The following ANLN variants were observed in gnomAD, a reference collection of about 807,000 sequenced individuals.
ANLN encodes anillin, actin binding protein, also known as anillin.
ANLN carries 59 observed loss-of-function variants against 135.1 expected under a neutral mutation model. The ratio of observed to expected loss-of-function variants is 0.44; its 90% CI spans 0.35 to 0.54. The LOEUF (loss-of-function observed/expected upper bound fraction) is 0.54. Ranked by LOEUF, ANLN falls within the 20% of genes least tolerant of loss-of-function variation. ANLN has a pLI of 0.00. For missense variants in ANLN, 1,182 were observed against 1,340.0 expected (o/e 0.88, Z 1.84); for synonymous variants, 406 against 456.4 (o/e 0.89, Z 1.41).
chr7:36,445,019 A>G (rs911161372), intron 22 of ANLN, among the ~76,000 whole-genome samples: 6 of 152,010 alleles, frequency 3.9e-5, no homozygotes, highest in Non-Finnish European at 8.8e-5. Flanking sequence ...GAAGCTCCCC[A>G]TGTAATTCTC....
intron 5 of ANLN, 57 bp downstream of exon 5, chr7:36,408,013 C>G: frequency 4.5e-6 from 6 of 1,339,020 alleles, no homozygotes; most frequent in Non-Finnish European, 5.2e-6. Context: ...TATCTATTCT[C>G]AGCATTTTAA....
At chr7:36,417,674 C>CTTTTTTTTT (rs70977138) in intron 9 of ANLN, among the ~76,000 whole-genome samples, 9 of 97,256 alleles carry the variant, frequency 9.3e-5, no homozygotes, top group Non-Finnish European at 1.8e-4. Context: ...CTCAAACTTC[C>CTTTTTTTTT]TTTTTTTTTT....
chr7:36,426,421 G>T (rs902192505), intron 19 of ANLN, among the ~76,000 whole-genome samples: 3 of 152,138 alleles, frequency 2.0e-5, no homozygotes, highest in Non-Finnish European at 4.4e-5. Context: ...TAGTTCACTG[G>T]GAACTGGAAT....
intron 2 of ANLN, 34 bp downstream of exon 2, chr7:36,396,453 T>A (rs767398571): frequency 3.3e-6 from 5 of 1,501,216 alleles, no homozygotes; most frequent in African/African-American, 1.4e-5. Flanking sequence ...TAACATTTAC[T>A]TTTTTTTTCT....
At chr7:36,429,595 C>T (rs1422302303) in intron 20 of ANLN, among the ~76,000 whole-genome samples, 2 of 152,068 alleles carry the variant, frequency 1.3e-5, no homozygotes, top group Non-Finnish European at 2.9e-5. Flanking sequence ...TAACAAAATG[C>T]TGGATGGTAT....
intron 20 of ANLN, among the ~76,000 whole-genome samples, chr7:36,430,309 G>T (rs1341673127): frequency 1.3e-5 from 2 of 152,170 alleles, no homozygotes; most frequent in African/African-American, 4.8e-5. Context: ...TTCCAGAGTG[G>T]AATTTCTGTT....
intron 20 of ANLN, among the ~76,000 whole-genome samples, chr7:36,435,622 C>T (rs1169106448): frequency 1.3e-5 from 2 of 151,748 alleles, no homozygotes; most frequent in African/African-American, 4.8e-5. Context: ...GCCTGTAATC[C>T]CAGCACTTTG....
intron 20 of ANLN, among the ~76,000 whole-genome samples, chr7:36,438,074 C>T (rs1562817957): frequency 1.3e-5 from 2 of 152,220 alleles, no homozygotes; most frequent in African/African-American, 4.8e-5. Flanking sequence ...CAGGCGTGAG[C>T]CACCGCGCCC....
chr7:36,442,556 T>G (rs1788816760), intron 21 of ANLN, among the ~76,000 whole-genome samples: 1 of 152,222 alleles, frequency 6.6e-6, no homozygotes, highest in Non-Finnish European at 1.5e-5. Context: ...AGCATTGTTA[T>G]GTTTTTACCT....
At chr7:36,426,516 C>A (rs1334147135) in intron 19 of ANLN, among the ~76,000 whole-genome samples, 1 of 152,040 alleles carries the variant, frequency 6.6e-6, no homozygotes, top group African/African-American at 2.4e-5. Context: ...TGGTTTCACT[C>A]ACTTCCTTTA....
At chr7:36,413,290 C>G (rs769599386) in intron 7 of ANLN, among the ~76,000 whole-genome samples, 63 of 152,274 alleles carry the variant, frequency 4.1e-4, no homozygotes, top group Non-Finnish European at 6.8e-4. Context: ...AGGTTTCCCC[C>G]TTCTCTTTAG....
chr7:36,413,341 C>T (rs1181925351), intron 7 of ANLN, among the ~76,000 whole-genome samples: 1 of 152,206 alleles, frequency 6.6e-6, no homozygotes, highest in African/African-American at 2.4e-5. Context: ...CCTTCCACGA[C>T]TCAGTATCCT....
intron 22 of ANLN, among the ~76,000 whole-genome samples, chr7:36,444,148 G>A (rs565841073): frequency 6.6e-6 from 1 of 152,244 alleles, no homozygotes; most frequent in Non-Finnish European, 1.5e-5. Flanking sequence ...AAATTAGCTG[G>A]GTGTGGTGGC....
chr7:36,449,058 A>G (rs974057621), intron 22 of ANLN: 5 of 152,180 alleles, frequency 3.3e-5, no homozygotes, highest in African/African-American at 9.7e-5. Context: ...TTCTATTTTT[A>G]TTTTTAAAAA....
intron 22 of ANLN, 86 bp from the exon 23 acceptor site, chr7:36,449,579 A>T: frequency 2.0e-6 from 2 of 1,018,122 alleles, no homozygotes; most frequent in South Asian, 2.1e-5. Context: ...TTTAATATTT[A>T]ATTTGTACCA....
At position 36,419,251 on chromosome 7, in the gene ANLN, AC is replaced by A; in HGVS notation, c.1642del (p.Arg548ValfsTer5). 1.2e-6 allele frequency: 2 copies of A among 1,611,440 alleles called. No homozygotes were observed. Among genetic ancestry groups the A allele is most frequent in the Non-Finnish European group, 1.7e-6 (2 of 1,177,744 alleles). The stretch of plus-strand genomic sequence containing the variant: ...TATTGAAATATTTTTCAGAAGTGAT[AC>A]GTGAAATTGAGATGAGTGTGGATGA... ...PKVEQKIEVI[R>X]EIEMSVDDDD... On this transcript the variant is annotated frameshift_variant, in exon 10 of 24. Coordinates refer to ENST00000265748, the MANE Select transcript of ANLN (RefSeq NM_018685.5). LOFTEE classifies it high-confidence loss of function.
In ANLN at chr7:36,423,916, C is replaced by G. The variant is rs781600519; in HGVS notation, c.2576C>G (p.Ala859Gly). The G allele has an allele frequency of 4.5e-5, 72 of 1,612,112 alleles. No individual in the cohort carries two copies. Among genetic ancestry groups the G allele is most frequent in the Non-Finnish European group, 5.9e-5 (70 of 1,179,014 alleles). The change falls in exon 15 of 24, where the codon GCT becomes GGT. Residue 859 changes from alanine (A) to glycine (G), a missense_variant. Around this residue, in one of 3 missense-constraint regions of ANLN, gnomAD observed 1,022 missense variants for 1,134.0 expected, o/e 0.90. Transcript: ENST00000265748. ...ACTTCAAACTCTCTTAACGGTGATG[C>G]TCTGACATTCACTACTACATTTACT... ...ASTSNSLNGD[A>G]LTFTTTFTLQ...
intron 23 of ANLN, among the ~76,000 whole-genome samples, chr7:36,450,594 G>A (rs1049465284): frequency 2.0e-5 from 3 of 152,260 alleles, no homozygotes; most frequent in Middle Eastern, 6.8e-3. Context: ...AGAGACTGCC[G>A]ATTTGTTTTA....
chr7:36,402,519 C>G (rs1222687161), intron 3 of ANLN, among the ~76,000 whole-genome samples: 1 of 152,170 alleles, frequency 6.6e-6, no homozygotes, highest in Non-Finnish European at 1.5e-5. Flanking sequence ...TTCTAAAACA[C>G]TTGCCTGCTT....
Sources: gnomAD v4.1 joint callset for allele counts (sites outside exome capture counted in the v4.1 genomes callset) on GRCh38, gnomAD v4.1.1 for gene constraint, gnomAD v4.1.1 regional missense constraint, MANE v1.5 for transcripts, NCBI Gene and HGNC (gene_info 2026-07-23, HGNC 2026-07-21) for gene names.